UBE4B: variants seen among roughly 807,000 people sequenced by gnomAD.
The protein encoded by UBE4B is ubiquitination factor E4B.
In UBE4B, 27 loss-of-function variants were observed where a neutral mutation model predicts 148.1. The observed-to-expected ratio is 0.18, with a 90% CI of 0.13 to 0.25. UBE4B has a LOEUF of 0.25. Among genes scored for constraint, UBE4B ranks in the 10% least tolerant of loss-of-function variants. The pLI is 1.00. For synonymous variants in UBE4B, 596 were observed against 619.3 expected (o/e 0.96, Z 0.56); for missense variants, 1,170 against 1,662.4 (o/e 0.70, Z 5.15).
chr1:10,102,843 A>G, intron 4 of UBE4B, 105 bp from the exon 5 acceptor site: 1 of 1,243,440 alleles, frequency 8.0e-7, no homozygotes, highest in Non-Finnish European at 1.1e-6. Flanking sequence ...CATTTTTAAA[A>G]TATCATCACT....
rs1049874874 is a variant in UBE4B, at chr1:10,084,846, C to T, written c.212-10615C>T. Among the ~76,000 whole-genome samples the T allele has an allele frequency of 5.9e-5, 9 of 151,700 alleles. 1 individual carries two copies. The highest frequency in any genetic ancestry group is 1.7e-4 in the African/African-American group (7 of 41,294). On this transcript the variant is annotated intron_variant, in intron 2 of 27. Coordinates refer to ENST00000343090, the MANE Select transcript of UBE4B (RefSeq NM_001105562.3). ...CCGAGTAGCTGGGATTACAAGCACC[C>T]GCCACCATTCCTGGCTAATTTTTTT...
chr1:10,041,232 T>G (rs1449282784), intron 1 of UBE4B, among the ~76,000 whole-genome samples: 1 of 152,018 alleles, frequency 6.6e-6, no homozygotes, highest in Non-Finnish European at 1.5e-5. Context: ...TAGTAAGTGG[T>G]AGAACCTGGA....
chr1:10,161,203 G>A lies in UBE4B; in HGVS notation c.3115G>A (p.Asp1039Asn), dbSNP rs1402759807. 4 of 1,614,120 alleles carry A rather than the reference G, an allele frequency of 2.5e-6. No individual in the cohort carries two copies. Among genetic ancestry groups the A allele is most frequent in the Admixed American group, 1.7e-5 (1 of 60,008 alleles). Residue 1039 changes from aspartate (D) to asparagine (N), a missense_variant, in exon 23 of 28, where the codon GAT (aspartate) becomes AAT (asparagine). By Grantham distance (23) the Asp-to-Asn change is conservative (BLOSUM62 1). Transcript: ENST00000343090. The surrounding 1 kb of genome is among the most constrained non-coding windows in gnomAD (Gnocchi z 4.1). ...MLINDTTFLL[D>N]ESLESLKRIH... ...GATAAACGACACGACGTTTTTGCTC[G>A]ATGAAAGTCTGGAGTCTCTGAAGCG...
chr1:10,173,651 T>G (rs1366006845), intron 25 of UBE4B, among the ~76,000 whole-genome samples: 2 of 152,084 alleles, frequency 1.3e-5, no homozygotes, highest in Non-Finnish European at 2.9e-5. Context: ...CACACCTGAC[T>G]GTAGCTGGCG....
At chr1:10,077,682 C>T (rs551854610) in intron 2 of UBE4B, among the ~76,000 whole-genome samples, 1 of 152,346 alleles carries the variant, frequency 6.6e-6, no homozygotes, top group East Asian at 1.9e-4. Context: ...GACATTGTTC[C>T]TCTCACCACA....
chr1:10,133,269 G>GCA (rs1645625899), intron 15 of UBE4B, among the ~76,000 whole-genome samples: 1 of 152,176 alleles, frequency 6.6e-6, no homozygotes, highest in Middle Eastern at 3.2e-3. Context: ...AGAGAGAAGA[G>GCA]CACAGATCTT....
chr1:10,177,030 G>A (rs1646438858), intron 25 of UBE4B, among the ~76,000 whole-genome samples: 1 of 150,544 alleles, frequency 6.6e-6, no homozygotes, highest in East Asian at 2.0e-4. Flanking sequence ...CTCATGATCT[G>A]CCTGCCTTGG....
chr1:10,175,200 G>C (rs1646399342), intron 25 of UBE4B, among the ~76,000 whole-genome samples: 1 of 152,158 alleles, frequency 6.6e-6, no homozygotes, highest in African/African-American at 2.4e-5. Context: ...TGGGAGCCAA[G>C]AGGACCAGGA....
At chr1:10,101,685 T>C (rs1178099310) in intron 4 of UBE4B, among the ~76,000 whole-genome samples, 1 of 151,990 alleles carries the variant, frequency 6.6e-6, no homozygotes, top group Non-Finnish European at 1.5e-5. Flanking sequence ...ATTTTTTGTA[T>C]TTTTAGTAGA....
At chr1:10,111,087 A>G (rs1434064610) in intron 7 of UBE4B, among the ~76,000 whole-genome samples, 1 of 145,134 alleles carries the variant, frequency 6.9e-6, no homozygotes, top group Non-Finnish European at 1.5e-5. Flanking sequence ...ACACACACAC[A>G]CACACAGTCT....
chr1:10,086,183 G>A (rs1644764053), intron 2 of UBE4B, among the ~76,000 whole-genome samples: 1 of 152,158 alleles, frequency 6.6e-6, no homozygotes, highest in African/African-American at 2.4e-5. Context: ...GTGTTAGCCA[G>A]GATGGTCTCG....
At chr1:10,118,270 CCTT>C (rs1365602246) in intron 8 of UBE4B, among the ~76,000 whole-genome samples, 29 of 152,136 alleles carry the variant, frequency 1.9e-4, no homozygotes, top group African/African-American at 7.0e-4. Flanking sequence ...TTGTAAAGGG[CCTT>C]CTTTGGGCTT....
At chr1:10,124,066 C>T (rs1488850677) in intron 10 of UBE4B, among the ~76,000 whole-genome samples, 1 of 152,202 alleles carries the variant, frequency 6.6e-6, no homozygotes. Context: ...TGAGCCAGCA[C>T]ACCTGGCCTC....
chr1:10,171,564 C>T (rs747791745), intron 25 of UBE4B, among the ~76,000 whole-genome samples: 1 of 152,204 alleles, frequency 6.6e-6, no homozygotes, highest in East Asian at 1.9e-4. Context: ...ATTGCACCAC[C>T]ACACTCCAGA....
chr1:10,071,140 C>T lies in UBE4B; in HGVS notation c.25-888C>T, dbSNP rs143656762. On this transcript the variant is annotated intron_variant, in intron 1 of 27. Coordinates refer to ENST00000343090, the MANE Select transcript of UBE4B (RefSeq NM_001105562.3). The stretch of plus-strand genomic sequence containing the variant: ...CAGGCTGTTCTCGAACTCCTGACCT[C>T]GTGATCCTCCTGCCTCAGCCTCCCA... Among the ~76,000 whole-genome samples, 870 of 152,238 alleles carry T rather than the reference C, an allele frequency of 5.7e-3. 10 individuals are homozygous for T. The highest frequency in any genetic ancestry group is 0.018 in the African/African-American group (761 of 41,548).
rs1176536639 is a variant in UBE4B at position 10,180,769 on chromosome 1, T to C, written c.*813T>C. 5 of 152,538 alleles carry C rather than the reference T, an allele frequency of 3.3e-5. No individual in the cohort carries two copies. The highest frequency in any genetic ancestry group is 2.6e-4 in the Admixed American group (4 of 15,264). The allele number at this position is 152,538 out of a possible 1,614,324, so 9.4% of individuals were successfully genotyped here. ...AGGGGTGTAAGTGTATCAGGACTTA[T>C]GTGACTTATATTTTGGGGAGATGAG... On this transcript the variant is annotated 3_prime_UTR_variant, in exon 28 of 28. Coordinates refer to ENST00000343090, the MANE Select transcript of UBE4B (RefSeq NM_001105562.3).
chr1:10,144,898 C>A, intron 17 of UBE4B, 42 bp from the exon 18 acceptor site: 1 of 1,469,174 alleles, frequency 6.8e-7, no homozygotes, highest in Non-Finnish European at 9.4e-7. Flanking sequence ...TAAGATGGAT[C>A]CGGCTGTTTT....
At chr1:10,038,468 G>A (rs1643629108) in intron 1 of UBE4B, among the ~76,000 whole-genome samples, 1 of 152,098 alleles carries the variant, frequency 6.6e-6, no homozygotes, top group Non-Finnish European at 1.5e-5. Context: ...TTATAATCAA[G>A]CAGGTACTGT....
At chr1:10,144,092 T>A (rs1024134511) in intron 17 of UBE4B, among the ~76,000 whole-genome samples, 1 of 152,122 alleles carries the variant, frequency 6.6e-6, no homozygotes, top group Non-Finnish European at 1.5e-5. Flanking sequence ...GAGTCGGTCT[T>A]CAAAATATGC....
Sources: allele counts gnomAD v4.1 joint callset (sites outside exome capture counted in the v4.1 genomes callset), GRCh38; gene constraint gnomAD v4.1.1; non-coding constraint Gnocchi (gnomAD v3.1); transcripts MANE v1.5; gene names NCBI Gene and HGNC (gene_info 2026-07-23, HGNC 2026-07-21).